The following NKIRAS1 variants were observed in gnomAD, a reference collection of about 807,000 sequenced individuals.
The protein encoded by NKIRAS1 is NF-kappa-B inhibitor-interacting Ras-like protein 1.
A neutral mutation model predicts 19.8 loss-of-function variants in NKIRAS1; 16 were observed. The ratio of observed to expected loss-of-function variants is 0.81; its 90% CI spans 0.55 to 1.23. NKIRAS1 has a LOEUF of 1.23. Among genes scored for constraint, NKIRAS1 ranks in the 50% most tolerant of loss-of-function variants. NKIRAS1 has a pLI of 0.00. For synonymous variants in NKIRAS1, 88 were observed against 79.0 expected, an observed-to-expected ratio of 1.11 and a Z score of -0.61; for missense variants, 184 against 220.0, an observed-to-expected ratio of 0.84 and a Z score of 1.04.
At chr3:23,943,389 C>T (rs1331584482) in intron 1 of NKIRAS1, among the ~76,000 whole-genome samples, 8 of 152,144 alleles carry the variant, frequency 5.3e-5, no homozygotes, top group African/African-American at 1.9e-4. Context: ...TGCGCCACCA[C>T]CCCGGCTAAT....
upstream of NKIRAS1, chr3:23,921,701 A>G (rs1224723077): frequency 7.6e-6 from 5 of 660,062 alleles, no homozygotes; most frequent in Non-Finnish European, 1.3e-5. Flanking sequence ...CGGCCTCCCA[A>G]ATAGCCAGGA....
At chr3:23,929,086 G>A (rs1005372277) in intron 1 of NKIRAS1, among the ~76,000 whole-genome samples, 1 of 151,950 alleles carries the variant, frequency 6.6e-6, no homozygotes, top group South Asian at 2.1e-4. Flanking sequence ...TTTGTGCCAG[G>A]CGTGGTGGCT....
Position 23,890,542 on chromosome 3 carries a change from A to G in NKIRAS1, c.*2553T>C. On this transcript the variant is annotated 3_prime_UTR_variant, in exon 5 of 5. Coordinates refer to ENST00000425478, the MANE Select transcript of NKIRAS1 (RefSeq NM_020345.4). ...TTGGTGGGAAGTATTGCCACTCAGT[A>G]TATGACCAACAGAGCAGAACATGAC... 1 of 1,613,852 alleles carries G rather than the reference A, an allele frequency of 6.2e-7. No individual in the cohort carries two copies. The highest frequency in any genetic ancestry group is 1.1e-5 in the South Asian group (1 of 91,026).
intron 1 of NKIRAS1, chr3:23,923,947 T>C (rs1489955652): frequency 6.6e-6 from 1 of 152,212 alleles, no homozygotes; most frequent in East Asian, 1.9e-4. Flanking sequence ...CATAGCTTTT[T>C]CTCCCCCTGA....
intron 3 of NKIRAS1, among the ~76,000 whole-genome samples, chr3:23,906,266 A>G (rs1703054310): frequency 6.6e-6 from 1 of 152,002 alleles, no homozygotes; most frequent in Non-Finnish European, 1.5e-5. Context: ...CACAGCCAAG[A>G]AAAAAAATAG....
At chr3:23,945,765 C>G (rs1368595177) in intron 1 of NKIRAS1, among the ~76,000 whole-genome samples, 2 of 150,400 alleles carry the variant, frequency 1.3e-5, no homozygotes, top group South Asian at 4.2e-4. Flanking sequence ...CCGGGCCGCC[C>G]GGCGCCCGCC....
At chr3:23,920,626 T>C, upstream of NKIRAS1, 1 of 984,956 alleles carries the variant, frequency 1.0e-6, no homozygotes. Flanking sequence ...CTGACTTTGC[T>C]GACTTAATTT....
At chr3:23,894,718 C>T (rs1211909817) in intron 4 of NKIRAS1, among the ~76,000 whole-genome samples, 5 of 152,150 alleles carry the variant, frequency 3.3e-5, no homozygotes, top group Admixed American at 6.5e-5. Context: ...CCTCCTACCA[C>T]TACCACAAGG....
rs190626378 is a variant in NKIRAS1 at position 23,944,073 on chromosome 3, A to T, written c.-140+2250T>A. On this transcript the variant is annotated intron_variant, in intron 1 of 4. Coordinates refer to the NKIRAS1 transcript ENST00000421515. ...GAGGCAAGAGATAATGGTTTGCTCT[A>T]GCAATACCAACGGTGAGAAACAGGG... Among the ~76,000 whole-genome samples, 94 of 152,346 alleles carry T rather than the reference A, an allele frequency of 6.2e-4. 1 individual carries two copies. Among genetic ancestry groups the T allele is most frequent in the African/African-American group, 2.2e-3 (92 of 41,580 alleles).
At chr3:23,944,922 C>A (rs2125274397) in intron 1 of NKIRAS1, among the ~76,000 whole-genome samples, 1 of 151,990 alleles carries the variant, frequency 6.6e-6, no homozygotes, top group African/African-American at 2.4e-5. Flanking sequence ...TTGCTCGGCG[C>A]CAAGCCACCG....
rs1701533848 is a variant in NKIRAS1 at position 23,892,388 on chromosome 3, T to C, written c.*707A>G. 1 of 152,208 alleles carries C rather than the reference T, an allele frequency of 6.6e-6. No individual in the cohort carries two copies. The highest frequency in any genetic ancestry group is 1.5e-5 in the Non-Finnish European group (1 of 68,038). The allele number at this position is 152,208 out of a possible 1,614,324, so 9.4% of individuals were successfully genotyped here. A position where few individuals can be genotyped will look rare whatever the true frequency, so the allele number is the denominator to read the frequency against. On this transcript the variant is annotated 3_prime_UTR_variant, in exon 5 of 5. Transcript: ENST00000425478. ...TACAGCTTTACTGTCCTTAAGTGCC[T>C]AATCATTTTCAAGAGGAGGAGCAAA... is the stretch of plus-strand genomic sequence containing the variant.
At chr3:23,940,536 G>A (rs567259545) in intron 1 of NKIRAS1, among the ~76,000 whole-genome samples, 1 of 151,952 alleles carries the variant, frequency 6.6e-6, no homozygotes, top group Non-Finnish European at 1.5e-5. Context: ...TGATCTTGTT[G>A]GTGTCAATGG....
chr3:23,940,418 G>C (rs918170398), intron 1 of NKIRAS1, among the ~76,000 whole-genome samples: 21 of 151,700 alleles, frequency 1.4e-4, no homozygotes, highest in African/African-American at 4.6e-4. Flanking sequence ...AGTTTTGGTT[G>C]GGCTGTATTT....
At position 23,890,587 on chromosome 3, in the gene NKIRAS1, C is replaced by T. The variant is rs1324166476; in HGVS notation, c.*2508G>A. 1 of 1,613,282 alleles carries T rather than the reference C, an allele frequency of 6.2e-7. No homozygotes were observed. Among genetic ancestry groups the T allele is most frequent in the Non-Finnish European group, 8.5e-7 (1 of 1,179,666 alleles). On this transcript the variant is annotated 3_prime_UTR_variant, in exon 5 of 5. Transcript: ENST00000425478. ...CATGACAGAATGGCCAGACAGTGGA[C>T]CAAGAGATACGCTACATAAATTGGG...
At chr3:23,946,480 CCT>C (rs1419118728) in exon 1 of NKIRAS1, 5 of 180,082 alleles carry the variant, frequency 2.8e-5, no homozygotes, top group African/African-American at 9.5e-5. Flanking sequence ...TAGCACCGCC[CCT>C]GTTAGGATGC....
At chr3:23,928,011 C>T (rs948122774) in intron 1 of NKIRAS1, among the ~76,000 whole-genome samples, 2 of 151,824 alleles carry the variant, frequency 1.3e-5, no homozygotes, top group African/African-American at 2.4e-5. Context: ...CCTGGGAAGT[C>T]GAAGCTACAG....
chr3:23,922,075 G>C lies in NKIRAS1; in HGVS notation c.-139-10625C>G, dbSNP rs1415806330. ...TCACGCCTGCAATCCCAACACTTTCGGTAACCAAGGTGGGCTTGAGCTCAT... is the reference window on the plus strand; with the variant it reads ...TCACGCCTGCAATCCCAACACTTTCCGTAACCAAGGTGGGCTTGAGCTCAT... On this transcript the variant is annotated intron_variant, in intron 1 of 4. Coordinates refer to the NKIRAS1 transcript ENST00000421515. The surrounding 1 kb of genome is among the most constrained non-coding windows in gnomAD (Gnocchi z 4.2). 1 of 155,600 alleles carries C rather than the reference G, an allele frequency of 6.4e-6. No homozygotes were observed. Among genetic ancestry groups the C allele is most frequent in the Non-Finnish European group, 1.4e-5 (1 of 70,312 alleles). The allele number at this position is 155,600 out of a possible 1,614,324, so 9.6% of individuals were successfully genotyped here.
In NKIRAS1 at chr3:23,893,177, CT is replaced by C; in HGVS notation, c.496del (p.Ser166ValfsTer31). On this transcript the variant is annotated frameshift_variant, in exon 5 of 5. Coordinates refer to ENST00000425478, the MANE Select transcript of NKIRAS1 (RefSeq NM_020345.4). LOFTEE classifies it high-confidence loss of function. Reference protein sequence around the residue: ...TLIEPFTLLASKLSQPQSKSS... With the variant: ...TLIEPFTLLAXKLSQPQSKSS... The stretch of plus-strand genomic sequence containing the variant: ...TTTGCTCTGGGGTTGAGAAAGTTTA[CT>C]GGCTAATAAAGTGAATGGTTCAATC... 6.2e-7 allele frequency: 1 copy of C among 1,612,826 alleles called. No individual in the cohort carries two copies. The highest frequency in any genetic ancestry group is 8.5e-7 in the Non-Finnish European group (1 of 1,179,556).
intron 1 of NKIRAS1, among the ~76,000 whole-genome samples, chr3:23,913,675 C>T (rs910591527): frequency 1.3e-5 from 2 of 152,190 alleles, no homozygotes; most frequent in African/African-American, 4.8e-5. Context: ...AAGTTTGGTT[C>T]TTAAAGCACT....
Sources: allele counts gnomAD v4.1 joint callset (sites outside exome capture counted in the v4.1 genomes callset), GRCh38; gene constraint gnomAD v4.1.1; non-coding constraint Gnocchi (gnomAD v3.1); transcripts MANE v1.5; gene names NCBI Gene and HGNC (gene_info 2026-07-23, HGNC 2026-07-21).